WWOX: variants seen among roughly 807,000 people sequenced by gnomAD.
WWOX encodes WW domain containing oxidoreductase, also known as WW domain-containing oxidoreductase.
Under a neutral mutation model 46.2 loss-of-function variants are expected in WWOX, and 69 were observed. The ratio of observed to expected loss-of-function variants is 1.49; its 90% CI spans 1.23 to 1.82. The LOEUF is 1.82. WWOX is among the 40% of genes most tolerant of loss of function. WWOX has a pLI of 0.00. For missense variants in WWOX, 919 were observed against 542.6 expected (o/e 1.69, Z -6.89); for synonymous variants, 359 against 202.6 (o/e 1.77, Z -6.56).
chr16:79,108,376 A>G (rs146137704), intron 8 of WWOX, among the ~76,000 whole-genome samples: 1 of 152,214 alleles, frequency 6.6e-6, no homozygotes, highest in Non-Finnish European at 1.5e-5. Context: ...CCACACATCC[A>G]TGCATTTTTC....
At chr16:78,878,227 G>C (rs1376729016) in intron 8 of WWOX, among the ~76,000 whole-genome samples, 2 of 152,130 alleles carry the variant, frequency 1.3e-5, no homozygotes, top group Non-Finnish European at 2.9e-5. Context: ...CAACTCCTTA[G>C]CCTCATGACA....
intron 8 of WWOX, among the ~76,000 whole-genome samples, chr16:78,880,968 C>A (rs945149856): frequency 6.7e-6 from 1 of 149,772 alleles, no homozygotes; most frequent in Non-Finnish European, 1.5e-5. Context: ...TTTCGGTCCC[C>A]TAAAGCTTCT....
intron 8 of WWOX, among the ~76,000 whole-genome samples, chr16:79,029,409 T>C (rs539538664): frequency 1.3e-5 from 2 of 152,228 alleles, no homozygotes; most frequent in Admixed American, 1.3e-4. Flanking sequence ...TCAGCACCAT[T>C]GTCAAAACAT....
chr16:78,786,955 C>G (rs541084557), intron 8 of WWOX, among the ~76,000 whole-genome samples: 1 of 152,150 alleles, frequency 6.6e-6, no homozygotes, highest in African/African-American at 2.4e-5. Context: ...AGAGATGAGC[C>G]TGGGCAACAT....
chr16:78,740,631 G>T (rs1163178582), intron 8 of WWOX, among the ~76,000 whole-genome samples: 1 of 152,180 alleles, frequency 6.6e-6, no homozygotes, highest in African/African-American at 2.4e-5. Flanking sequence ...AGTGCTGGAA[G>T]GGGACTTGGT....
At chr16:78,831,517 C>G (rs958099825) in intron 8 of WWOX, among the ~76,000 whole-genome samples, 15 of 152,110 alleles carry the variant, frequency 9.9e-5, no homozygotes, top group Non-Finnish European at 1.9e-4. Context: ...CGTGGGAGAC[C>G]CCGGTGCCCA....
rs199853998 is a variant in WWOX, at chr16:78,120,324, A to G, written c.409+5170A>G. Among the ~76,000 whole-genome samples, 8 of 152,270 alleles carry G rather than the reference A, an allele frequency of 5.3e-5. No individual in the cohort carries two copies. In the South Asian group the frequency reaches 1.7e-3, roughly 32 times the overall value. On this transcript the variant is annotated intron_variant, in intron 4 of 8. Transcript: ENST00000566780. ...GGTGGCTCACGCCTGTAATCCCAGC[A>G]CTTTGAGAGGCCGAGGCGGGTGGAT...
chr16:78,674,083 T>C (rs183444207), intron 8 of WWOX, among the ~76,000 whole-genome samples: 346 of 152,188 alleles, frequency 2.3e-3, no homozygotes, highest in South Asian at 4.2e-3. Flanking sequence ...TTCGCAAACT[T>C]CATGGAATTT....
intron 5 of WWOX, among the ~76,000 whole-genome samples, chr16:78,336,279 C>G (rs1392632957): frequency 6.7e-6 from 1 of 149,520 alleles, no homozygotes; most frequent in Non-Finnish European, 1.5e-5. Flanking sequence ...TCAAAACCAG[C>G]CTGACCAACA....
chr16:78,398,731 C>A (rs1478361466), intron 6 of WWOX, among the ~76,000 whole-genome samples: 3 of 152,136 alleles, frequency 2.0e-5, no homozygotes, highest in Non-Finnish European at 2.9e-5. Context: ...CTGGCAAATT[C>A]CTTAATCTTT....
intron 8 of WWOX, among the ~76,000 whole-genome samples, chr16:79,029,852 A>G (rs2047718809): frequency 6.6e-6 from 1 of 152,210 alleles, no homozygotes; most frequent in South Asian, 2.1e-4. Context: ...CTGTCTTCAA[A>G]CTTCAACAGT....
At chr16:79,050,020 C>A (rs2048136970) in intron 8 of WWOX, among the ~76,000 whole-genome samples, 1 of 152,082 alleles carries the variant, frequency 6.6e-6, no homozygotes, top group Middle Eastern at 3.4e-3. Flanking sequence ...GTATGGGGCA[C>A]CCTGGAGGTC....
At chr16:78,245,452 A>G (rs950431582) in intron 5 of WWOX, among the ~76,000 whole-genome samples, 16 of 152,238 alleles carry the variant, frequency 1.1e-4, no homozygotes, top group Admixed American at 9.8e-4. Context: ...AAGTCCTGAT[A>G]CATATTAACT....
intron 8 of WWOX, among the ~76,000 whole-genome samples, chr16:79,087,269 C>G (rs1353054102): frequency 6.6e-6 from 1 of 152,184 alleles, no homozygotes; most frequent in Non-Finnish European, 1.5e-5. Flanking sequence ...GCGTGTGAAG[C>G]ATGGGGACCT....
intron 8 of WWOX, among the ~76,000 whole-genome samples, chr16:78,695,963 TC>T (rs2048089923): frequency 3.3e-5 from 5 of 152,126 alleles, no homozygotes; most frequent in Non-Finnish European, 7.4e-5. Context: ...GAGATGCAGA[TC>T]TTGGGCCCCG....
intron 8 of WWOX, among the ~76,000 whole-genome samples, chr16:78,837,620 C>T (rs2052025200): frequency 6.6e-6 from 1 of 152,098 alleles, no homozygotes; most frequent in African/African-American, 2.4e-5. Context: ...CTGCGTGGTT[C>T]TTACCTAGAA....
At chr16:78,942,554 C>T (rs990684652) in intron 8 of WWOX, among the ~76,000 whole-genome samples, 10 of 152,144 alleles carry the variant, frequency 6.6e-5, no homozygotes, top group African/African-American at 2.2e-4. Context: ...TTAATAAAAA[C>T]CCACCAGAAT....
At chr16:78,911,372 G>C (rs1406371621) in intron 8 of WWOX, among the ~76,000 whole-genome samples, 1 of 151,926 alleles carries the variant, frequency 6.6e-6, no homozygotes, top group East Asian at 1.9e-4. Flanking sequence ...TGTTTTATTA[G>C]GCATGGAGAA....
At chr16:78,902,382 A>G (rs1423900527) in intron 8 of WWOX, among the ~76,000 whole-genome samples, 1 of 152,190 alleles carries the variant, frequency 6.6e-6, no homozygotes, top group Admixed American at 6.5e-5. Flanking sequence ...TAATTACCTC[A>G]AGGACAAGGG....
Sources: allele counts gnomAD v4.1 joint callset (sites outside exome capture counted in the v4.1 genomes callset), GRCh38; gene constraint gnomAD v4.1.1; transcripts MANE v1.5; gene names NCBI Gene and HGNC (gene_info 2026-07-23, HGNC 2026-07-21).